Variants in BICD1 observed in about 807,000 individuals in gnomAD.
The protein encoded by BICD1 is BICD cargo adaptor 1.
Under a neutral mutation model 92.5 loss-of-function variants are expected in BICD1, and 35 were observed. That is an observed-to-expected ratio of 0.38 (90% confidence interval 0.29 to 0.50). The LOEUF (loss-of-function observed/expected upper bound fraction) is 0.50. Among genes scored for constraint, BICD1 ranks in the 20% least tolerant of loss-of-function variants. The probability of loss-of-function intolerance (pLI) is 0.93; values close to 1 mark genes in which losing one functional copy is unlikely to be tolerated. For synonymous variants in BICD1, 429 were observed against 465.1 expected (o/e 0.92, Z 1.00); for missense variants, 950 against 1,189.8 (o/e 0.80, Z 2.97).
At chr12:32,302,738 A>G (rs182813711) in intron 3 of BICD1, among the ~76,000 whole-genome samples, 174 of 152,172 alleles carry the variant, frequency 1.1e-3, no homozygotes, top group African/African-American at 4.0e-3. Flanking sequence ...ATTTTTTGTT[A>G]TATTTATTCA....
intron 1 of BICD1, among the ~76,000 whole-genome samples, chr12:32,191,562 TG>T: frequency 6.8e-6 from 1 of 147,830 alleles, no homozygotes; most frequent in East Asian, 1.9e-4. Flanking sequence ...TTTTCATTAT[TG>T]TATTATATAT....
intron 3 of BICD1, among the ~76,000 whole-genome samples, chr12:32,303,494 G>A (rs574362956): frequency 6.6e-6 from 1 of 152,138 alleles, no homozygotes; most frequent in African/African-American, 2.4e-5. Context: ...CAGAGTAAAG[G>A]CTACATTCTT....
At chr12:32,215,598 A>G (rs1201439246) in intron 1 of BICD1, among the ~76,000 whole-genome samples, 1 of 152,160 alleles carries the variant, frequency 6.6e-6, no homozygotes, top group Admixed American at 6.5e-5. Flanking sequence ...TGAAGGTGAC[A>G]TGAATTTTGA....
chr12:32,233,495 C>G (rs761031083), intron 2 of BICD1, among the ~76,000 whole-genome samples: 13 of 151,578 alleles, frequency 8.6e-5, no homozygotes, highest in Non-Finnish European at 1.9e-4. Flanking sequence ...GATTTCTGTC[C>G]TCTCTCTTGC....
chr12:32,351,707 A>G (rs1211612724), intron 8 of BICD1, among the ~76,000 whole-genome samples: 4 of 151,482 alleles, frequency 2.6e-5, no homozygotes, highest in African/African-American at 9.7e-5. Flanking sequence ...GTTCAAGACC[A>G]GCCTGGTCAA....
intron 2 of BICD1, among the ~76,000 whole-genome samples, chr12:32,264,570 C>T (rs2136133159): frequency 6.6e-6 from 1 of 152,294 alleles, no homozygotes; most frequent in Non-Finnish European, 1.5e-5. Flanking sequence ...TCACTGCAAC[C>T]TCTGCCTCCT....
At chr12:32,345,151 G>A (rs928367002) in intron 8 of BICD1, among the ~76,000 whole-genome samples, 2 of 151,852 alleles carry the variant, frequency 1.3e-5, no homozygotes, top group Admixed American at 1.3e-4. Flanking sequence ...AGCTGGATGT[G>A]CTGGCATGCA....
Position 32,221,881 on chromosome 12 carries a change from G to A in BICD1, c.426+5422G>A, listed in dbSNP as rs958765926. ...TATTTTTGGTAAGAGCATAAAGAAA[G>A]CAGATTGCTATAGGATTTAAATAGA... On this transcript the variant is annotated intron_variant, in intron 2 of 9. Transcript: ENST00000652176. 7.2e-5 allele frequency among the ~76,000 whole-genome samples: 11 copies of A among 152,052 alleles called. No homozygotes were observed. The South Asian group carries it at 1.0e-3, about 14-fold the overall frequency.
Position 32,228,829 on chromosome 12 carries a change from G to A in BICD1, c.426+12370G>A, listed in dbSNP as rs115510077. ...AATGAAGCACATTTTAGGAAGGAAG[G>A]TCAGAAGTTCAGTTTCGAACATGTT... On this transcript the variant is annotated intron_variant, in intron 2 of 9. Coordinates refer to ENST00000652176, the MANE Select transcript of BICD1 (RefSeq NM_001714.4). Among the ~76,000 whole-genome samples, 497 of 152,264 alleles carry A rather than the reference G, an allele frequency of 3.3e-3. 4 individuals are homozygous for A. Among genetic ancestry groups the A allele is most frequent in the African/African-American group, 0.011 (467 of 41,570 alleles).
At chr12:32,285,824 G>A (rs1947548604) in intron 2 of BICD1, among the ~76,000 whole-genome samples, 1 of 152,030 alleles carries the variant, frequency 6.6e-6, no homozygotes, top group East Asian at 1.9e-4. Context: ...AGAGCTCAGC[G>A]CCATCTTATC....
chr12:32,319,906 C>A (rs1036079035), intron 4 of BICD1, among the ~76,000 whole-genome samples: 1 of 152,118 alleles, frequency 6.6e-6, no homozygotes, highest in African/African-American at 2.4e-5. Context: ...GCCCCTCTCC[C>A]TCCATCTTTT....
intron 6 of BICD1, among the ~76,000 whole-genome samples, chr12:32,335,214 G>T (rs1449864723): frequency 6.6e-6 from 1 of 151,424 alleles, no homozygotes; most frequent in Non-Finnish European, 1.5e-5. Context: ...GCAGTGGTGC[G>T]ATCTCAGCTC....
intron 1 of BICD1, among the ~76,000 whole-genome samples, chr12:32,147,520 A>C (rs1318296862): frequency 6.6e-6 from 1 of 152,220 alleles, no homozygotes; most frequent in Non-Finnish European, 1.5e-5. Flanking sequence ...AAGTTAAATG[A>C]TCTGTGATTG....
intron 1 of BICD1, among the ~76,000 whole-genome samples, chr12:32,192,985 C>T (rs1944621581): frequency 6.6e-6 from 1 of 152,172 alleles, no homozygotes. Flanking sequence ...GGTGAAGATG[C>T]TGTGGATATT....
intron 2 of BICD1, among the ~76,000 whole-genome samples, chr12:32,249,332 T>TTGTAAAGA (rs1445699029): frequency 6.6e-6 from 1 of 152,142 alleles, no homozygotes; most frequent in Non-Finnish European, 1.5e-5. Context: ...CAACAGAACG[T>TTGTAAAGA]GTTCTTATAT....
chr12:32,254,354 A>T lies in BICD1; in HGVS notation c.426+37895A>T, dbSNP rs531429030. On this transcript the variant is annotated intron_variant, in intron 2 of 9. Coordinates refer to ENST00000652176, the MANE Select transcript of BICD1 (RefSeq NM_001714.4). ...CCTGCCATAATCACTGCCGTATCCC[A>T]CCTGTCATATTCACTGCCATACCCC... is the stretch of plus-strand genomic sequence containing the variant. Among the ~76,000 whole-genome samples the T allele has an allele frequency of 7.2e-5, 11 of 151,926 alleles. No homozygotes were observed. The East Asian group carries it at 2.1e-3, about 29-fold the overall frequency.
intron 2 of BICD1, among the ~76,000 whole-genome samples, chr12:32,275,812 G>A (rs1592596756): frequency 6.6e-6 from 1 of 152,138 alleles, no homozygotes; most frequent in East Asian, 1.9e-4. Flanking sequence ...GCACGGCTAA[G>A]TGCCTGGGTT....
intron 1 of BICD1, among the ~76,000 whole-genome samples, chr12:32,122,263 C>T (rs1417239447): frequency 6.6e-6 from 1 of 151,900 alleles, no homozygotes; most frequent in East Asian, 1.9e-4. Context: ...TAACACAGAT[C>T]GAGACCATCC....
chr12:32,232,253 T>C (rs375668849), intron 2 of BICD1, among the ~76,000 whole-genome samples: 10,234 of 148,232 alleles, frequency 0.069, 779 homozygotes, highest in East Asian at 0.37. Context: ...GCACCTGTTG[T>C]TTCCTGACTT....
Sources: gnomAD v4.1 joint callset for allele counts (sites outside exome capture counted in the v4.1 genomes callset) on GRCh38, gnomAD v4.1.1 for gene constraint, MANE v1.5 for transcripts, NCBI Gene and HGNC (gene_info 2026-07-23, HGNC 2026-07-21) for gene names.